Variants in PDE1A observed in about 807,000 individuals in gnomAD.
The protein encoded by PDE1A is phosphodiesterase 1A, also known as dual specificity calcium/calmodulin-dependent 3',5'-cyclic nucleotide phosphodiesterase 1A.
PDE1A carries 35 observed loss-of-function variants against 61.7 expected under a neutral mutation model. The ratio of observed to expected loss-of-function variants is 0.57; its 90% CI spans 0.43 to 0.75. The LOEUF is 0.75. Ranked by LOEUF, PDE1A falls within the 30% of genes least tolerant of loss-of-function variation. The pLI is 0.00. For synonymous variants in PDE1A, 232 were observed against 213.2 expected (o/e 1.09, Z -0.77); for missense variants, 597 against 630.6 (o/e 0.95, Z 0.57).
intron 2 of PDE1A, among the ~76,000 whole-genome samples, chr2:182,496,715 T>C (rs886130537): frequency 1.3e-5 from 2 of 152,268 alleles, no homozygotes; most frequent in Non-Finnish European, 2.9e-5. Flanking sequence ...CCTTTGCATG[T>C]CTAGCCACTG....
chr2:182,531,323 A>G, the PDE1A span, among the ~76,000 whole-genome samples: 1 of 151,880 alleles, frequency 6.6e-6, no homozygotes, highest in African/African-American at 2.4e-5. Flanking sequence ...ATGCTGGTCT[A>G]TAAGAAAAGC....
At chr2:182,452,058 G>A (rs1685563162) in intron 2 of PDE1A, among the ~76,000 whole-genome samples, 1 of 151,926 alleles carries the variant, frequency 6.6e-6, no homozygotes, top group Non-Finnish European at 1.5e-5. Context: ...GGAAAATCCA[G>A]GTGGCAGAAA....
chr2:182,532,284 T>G, the PDE1A span, among the ~76,000 whole-genome samples: 1 of 152,214 alleles, frequency 6.6e-6, no homozygotes, highest in Non-Finnish European at 1.5e-5. Context: ...TTTGACATAA[T>G]GGATATGCTA....
At chr2:182,321,966 T>C (rs992914070) in intron 1 of PDE1A, among the ~76,000 whole-genome samples, 2 of 152,200 alleles carry the variant, frequency 1.3e-5, no homozygotes, top group Non-Finnish European at 2.9e-5. Flanking sequence ...AATGATGTTT[T>C]ACTCTGGATT....
chr2:182,602,495 A>G, the PDE1A span, among the ~76,000 whole-genome samples: 3 of 152,382 alleles, frequency 2.0e-5, no homozygotes, highest in East Asian at 5.8e-4. Flanking sequence ...GTCAACCCAC[A>G]GATTCAGGAA....
chr2:182,143,906 T>TTGTA (rs924875432), downstream of PDE1A, among the ~76,000 whole-genome samples: 2 of 152,172 alleles, frequency 1.3e-5, no homozygotes, highest in Non-Finnish European at 2.9e-5. Flanking sequence ...GTGCGTGTGT[T>TTGTA]TGTATGTGTG....
At chr2:182,240,407 C>G (rs1690408751) in intron 2 of PDE1A, 115 bp from the exon 3 acceptor site, 1 of 585,498 alleles carries the variant, frequency 1.7e-6, no homozygotes, top group Middle Eastern at 4.7e-4. Context: ...TCTGATTATT[C>G]CTTAATATGT....
At chr2:182,406,446 A>G (rs1702302632) in intron 1 of PDE1A, among the ~76,000 whole-genome samples, 2 of 152,176 alleles carry the variant, frequency 1.3e-5, no homozygotes, top group East Asian at 3.9e-4. Flanking sequence ...TTTGCTTATT[A>G]TTCATTTGTC....
intron 1 of PDE1A, among the ~76,000 whole-genome samples, chr2:182,402,074 A>G (rs557931806): frequency 6.6e-6 from 1 of 152,340 alleles, no homozygotes; most frequent in South Asian, 2.1e-4. Context: ...GAAAGAATCA[A>G]TATTGTGAAA....
At chr2:182,515,338 A>G (rs1267868126) in intron 2 of PDE1A, among the ~76,000 whole-genome samples, 1 of 152,246 alleles carries the variant, frequency 6.6e-6, no homozygotes. Context: ...CAATCAGAGT[A>G]TATTTATTGA....
intron 1 of PDE1A, among the ~76,000 whole-genome samples, chr2:182,325,985 C>G (rs561290014): frequency 6.6e-6 from 1 of 152,160 alleles, no homozygotes; most frequent in Non-Finnish European, 1.5e-5. Flanking sequence ...AACTTGAATA[C>G]ACATTTCTCC....
At chr2:182,712,030 A>G in the PDE1A span, among the ~76,000 whole-genome samples, 5 of 152,230 alleles carry the variant, frequency 3.3e-5, no homozygotes, top group Admixed American at 1.3e-4. Flanking sequence ...ACCAACAATG[A>G]GACGAATCAA....
intron 1 of PDE1A, among the ~76,000 whole-genome samples, chr2:182,307,560 T>C (rs995614542): frequency 3.3e-5 from 5 of 152,130 alleles, no homozygotes; most frequent in East Asian, 1.9e-4. Context: ...TGATATTCTG[T>C]TATAGCAGCA....
chr2:182,583,214 T>C, the PDE1A span, among the ~76,000 whole-genome samples: 1 of 152,172 alleles, frequency 6.6e-6, no homozygotes, highest in Non-Finnish European at 1.5e-5. Context: ...TGACACTATA[T>C]GATTCAGCTA....
chr2:182,274,217 T>C (rs1046155964), intron 1 of PDE1A, among the ~76,000 whole-genome samples: 1 of 152,090 alleles, frequency 6.6e-6, no homozygotes, highest in South Asian at 2.1e-4. Context: ...CTATGAATTT[T>C]GGGGTGACAC....
chr2:182,494,532 T>C (rs1688591586), intron 2 of PDE1A, among the ~76,000 whole-genome samples: 1 of 151,644 alleles, frequency 6.6e-6, no homozygotes, highest in Non-Finnish European at 1.5e-5. Context: ...CTTTTATGGT[T>C]TTCTTCCCAT....
At chr2:182,264,449 A>G in intron 1 of PDE1A, 35 bp from the exon 2 acceptor site, 1 of 1,477,120 alleles carries the variant, frequency 6.8e-7, no homozygotes, top group South Asian at 1.1e-5. Flanking sequence ...GAGAAAGAGC[A>G]AGGAATTTAT....
At chr2:182,524,936 G>T (rs935264874), upstream of PDE1A, among the ~76,000 whole-genome samples, 8 of 151,646 alleles carry the variant, frequency 5.3e-5, no homozygotes, top group African/African-American at 1.7e-4. Flanking sequence ...ATTAGGAATG[G>T]TGACAAAAAT....
At chr2:182,607,242 CATAAG>C in the PDE1A span, among the ~76,000 whole-genome samples, 1 of 152,060 alleles carries the variant, frequency 6.6e-6, no homozygotes, top group African/African-American at 2.4e-5. Flanking sequence ...AAGCAACTCA[CATAAG>C]ATAATTGTAA....
Sources: gnomAD v4.1 joint callset for allele counts (sites outside exome capture counted in the v4.1 genomes callset) on GRCh38, gnomAD v4.1.1 for gene constraint, MANE v1.5 for transcripts, NCBI Gene and HGNC (gene_info 2026-07-23, HGNC 2026-07-21) for gene names.